The following FRMD4A variants were observed in gnomAD, a reference collection of about 807,000 sequenced individuals.
FRMD4A encodes FERM domain containing 4A.
A neutral mutation model predicts 129.1 loss-of-function variants in FRMD4A; 29 were observed. The ratio of observed to expected loss-of-function variants is 0.22; its 90% CI spans 0.17 to 0.31. The LOEUF is 0.31. FRMD4A is among the 10% of genes least tolerant of loss of function. The pLI is 1.00. For synonymous variants in FRMD4A, 634 were observed against 571.6 expected (o/e 1.11, Z -1.56); for missense variants, 1,272 against 1,375.8 (o/e 0.92, Z 1.19).
intron 2 of FRMD4A, among the ~76,000 whole-genome samples, chr10:14,094,042 A>G (rs969418089): frequency 6.6e-6 from 1 of 152,232 alleles, no homozygotes; most frequent in Non-Finnish European, 1.5e-5. Flanking sequence ...AGGCCGTGGC[A>G]AGGACAATGA....
intron 2 of FRMD4A, among the ~76,000 whole-genome samples, chr10:13,906,452 C>T (rs865915502): frequency 1.3e-5 from 2 of 152,154 alleles, no homozygotes; most frequent in Admixed American, 6.5e-5. Context: ...GATTCCTACT[C>T]ATAGGCATGC....
rs185930886 is a variant in FRMD4A, at chr10:13,931,978, C to A, written c.46-73066G>T. On this transcript the variant is annotated intron_variant, in intron 2 of 24. Transcript: ENST00000357447. Reference sequence around the variant, plus strand: ...ACCAACCAACCAACCAACCAACCAACAAACCAACCAACCAACCCCCTTCTA... The same window carrying A: ...ACCAACCAACCAACCAACCAACCAAAAAACCAACCAACCAACCCCCTTCTA... Among the ~76,000 whole-genome samples the A allele has an allele frequency of 2.3e-3, 348 of 151,304 alleles. 2 individuals carry two copies. The highest frequency in any genetic ancestry group is 8.2e-3 in the African/African-American group (338 of 41,334).
At chr10:14,156,667 T>G (rs1231787767) in intron 2 of FRMD4A, among the ~76,000 whole-genome samples, 1 of 152,188 alleles carries the variant, frequency 6.6e-6, no homozygotes, top group Non-Finnish European at 1.5e-5. Context: ...CGTATGTTTC[T>G]GAAAACCTGG....
intron 2 of FRMD4A, among the ~76,000 whole-genome samples, chr10:13,859,268 C>T (rs1292017748): frequency 6.6e-6 from 1 of 152,106 alleles, no homozygotes; most frequent in African/African-American, 2.4e-5. Flanking sequence ...CCTGTAATCC[C>T]AGCTACTTGG....
chr10:13,788,716 C>T (rs534178990), intron 5 of FRMD4A, among the ~76,000 whole-genome samples: 1 of 152,184 alleles, frequency 6.6e-6, no homozygotes, highest in Admixed American at 6.5e-5. Context: ...CAGATGATCC[C>T]GACCCGAGAA....
rs547617866 is a variant in FRMD4A, at chr10:13,676,067, C to G, written c.1118-1023G>C. ...ACCTTGTGGAAGGCAAACTTCAAACCAAACCAAAGGAAAATAAGCTGAAAT... is the reference window on the plus strand; with the variant it reads ...ACCTTGTGGAAGGCAAACTTCAAACGAAACCAAAGGAAAATAAGCTGAAAT... On this transcript the variant is annotated intron_variant, in intron 15 of 24. Transcript: ENST00000357447. The G allele has an allele frequency of 1.6e-4, 25 of 152,014 alleles. 1 individual carries two copies. The highest frequency in any genetic ancestry group is 4.8e-4 in the African/African-American group (20 of 41,360). The allele number at this position is 152,014 out of a possible 1,614,324, so 9.4% of individuals were successfully genotyped here.
chr10:13,723,680 G>A (rs1441163001), intron 12 of FRMD4A, among the ~76,000 whole-genome samples: 2 of 152,206 alleles, frequency 1.3e-5, no homozygotes, highest in Admixed American at 6.5e-5. Context: ...AAGTGTTTAG[G>A]AGGGTGGAAA....
chr10:13,864,293 G>A (rs1000023690), intron 2 of FRMD4A, among the ~76,000 whole-genome samples: 3 of 130,898 alleles, frequency 2.3e-5, no homozygotes, highest in African/African-American at 2.9e-5. Context: ...ACCACACCCC[G>A]CCATAGCAAA....
chr10:13,857,194 A>T (rs554559215), intron 3 of FRMD4A, among the ~76,000 whole-genome samples: 2 of 152,310 alleles, frequency 1.3e-5, no homozygotes, highest in Non-Finnish European at 2.9e-5. Flanking sequence ...TAATAGTGGT[A>T]AAATTTTTTT....
chr10:13,859,640 T>C (rs7093239), intron 2 of FRMD4A, among the ~76,000 whole-genome samples: 121,039 of 152,136 alleles, frequency 0.8, 48,254 homozygotes, highest in East Asian at 0.88. Flanking sequence ...CCAATCTCTG[T>C]CTCCTCTTCA....
chr10:13,788,596 G>A (rs2092922758), intron 5 of FRMD4A, among the ~76,000 whole-genome samples: 1 of 152,120 alleles, frequency 6.6e-6, no homozygotes, highest in African/African-American at 2.4e-5. Flanking sequence ...ACACTTAGCA[G>A]GACTGAATCT....
intron 2 of FRMD4A, among the ~76,000 whole-genome samples, chr10:14,319,766 C>T (rs1349714369): frequency 3.3e-5 from 5 of 152,176 alleles, no homozygotes; most frequent in African/African-American, 1.2e-4. Flanking sequence ...CAAATCTAAT[C>T]CAGGACCTAA....
intron 2 of FRMD4A, among the ~76,000 whole-genome samples, chr10:14,302,759 C>T (rs1043429600): frequency 2.0e-5 from 3 of 152,170 alleles, no homozygotes; most frequent in Middle Eastern, 3.2e-3. Flanking sequence ...TAAGATATCT[C>T]ATTAGATGGG....
intron 2 of FRMD4A, among the ~76,000 whole-genome samples, chr10:13,932,664 A>G (rs370983415): frequency 6.6e-6 from 1 of 152,330 alleles, no homozygotes; most frequent in Non-Finnish European, 1.5e-5. Context: ...AGTCTCTTTG[A>G]GTAAGTTATA....
At chr10:14,094,050 T>C (rs764155473) in intron 2 of FRMD4A, among the ~76,000 whole-genome samples, 3 of 152,156 alleles carry the variant, frequency 2.0e-5, no homozygotes, top group Admixed American at 6.5e-5. Flanking sequence ...GCAAGGACAA[T>C]GAAATTCGAC....
chr10:13,841,731 G>A (rs1564893686), intron 3 of FRMD4A, among the ~76,000 whole-genome samples: 1 of 152,158 alleles, frequency 6.6e-6, no homozygotes, highest in Non-Finnish European at 1.5e-5. Context: ...GCCCTGGCTA[G>A]CCTCCTATAT....
chr10:13,738,911 G>A (rs2090819681), intron 11 of FRMD4A, among the ~76,000 whole-genome samples: 1 of 152,156 alleles, frequency 6.6e-6, no homozygotes, highest in South Asian at 2.1e-4. Context: ...ATGAGCCACT[G>A]CGCCTGCCCC....
At chr10:14,239,061 G>C (rs1331774916) in intron 2 of FRMD4A, among the ~76,000 whole-genome samples, 2 of 152,166 alleles carry the variant, frequency 1.3e-5, no homozygotes, top group African/African-American at 4.8e-5. Flanking sequence ...AACACAGAAA[G>C]TTAGGCTTGA....
chr10:13,790,414 G>T (rs778549706), intron 5 of FRMD4A, among the ~76,000 whole-genome samples: 1 of 152,212 alleles, frequency 6.6e-6, no homozygotes, highest in Non-Finnish European at 1.5e-5. Context: ...AGTGGCAGCT[G>T]TGGATGGGGG....
Sources: gnomAD v4.1 joint callset for allele counts (sites outside exome capture counted in the v4.1 genomes callset) on GRCh38, gnomAD v4.1.1 for gene constraint, MANE v1.5 for transcripts, NCBI Gene and HGNC (gene_info 2026-07-23, HGNC 2026-07-21) for gene names.